Variants in ADCY7 observed in about 807,000 individuals in gnomAD.
ADCY7 encodes the protein adenylate cyclase type 7.
ADCY7 carries 72 observed loss-of-function variants against 120.6 expected under a neutral mutation model. That is an observed-to-expected ratio of 0.60 (90% CI 0.49 to 0.73). The LOEUF (loss-of-function observed/expected upper bound fraction) is 0.73. Among genes scored for constraint, ADCY7 ranks in the 30% least tolerant of loss-of-function variants. ADCY7 has a pLI of 0.00. For synonymous variants in ADCY7, 661 were observed against 628.0 expected (o/e 1.05, Z -0.78); for missense variants, 1,227 against 1,486.0 (o/e 0.83, Z 2.87).
At chr16:50,248,922 C>T (rs1348611000) in intron 1 of ADCY7, among the ~76,000 whole-genome samples, 1 of 152,168 alleles carries the variant, frequency 6.6e-6, no homozygotes, top group Non-Finnish European at 1.5e-5. Context: ...CTTCATGTCA[C>T]CTCTTCCGCT....
At chr16:50,267,225 C>T (rs1446788593) in intron 1 of ADCY7, among the ~76,000 whole-genome samples, 1 of 152,256 alleles carries the variant, frequency 6.6e-6, no homozygotes, top group Non-Finnish European at 1.5e-5. Flanking sequence ...TCCTCTATCC[C>T]CCAGGGACCG....
intron 18 of ADCY7, chr16:50,310,475 C>A: frequency 6.5e-7 from 1 of 1,536,342 alleles, no homozygotes; most frequent in Middle Eastern, 1.7e-4. Flanking sequence ...TGTTTTTTCC[C>A]GTTTAAATGA....
chr16:50,267,132 T>C (rs76920046), intron 1 of ADCY7, among the ~76,000 whole-genome samples: 2,853 of 152,176 alleles, frequency 0.019, 94 homozygotes, highest in African/African-American at 0.065. Context: ...AAACAAAACC[T>C]CTGAAAGGAG....
At chr16:50,248,248 C>A (rs538967572) in intron 1 of ADCY7, among the ~76,000 whole-genome samples, 1 of 152,320 alleles carries the variant, frequency 6.6e-6, no homozygotes, top group South Asian at 2.1e-4. Flanking sequence ...TCTTCCTGTT[C>A]GTACCCCATA....
chr16:50,288,608 G>C (rs2150948192), intron 2 of ADCY7, among the ~76,000 whole-genome samples: 1 of 152,230 alleles, frequency 6.6e-6, no homozygotes, highest in South Asian at 2.1e-4. Context: ...CTTCCGAGTA[G>C]CTAGGATGAC....
chr16:50,250,876 A>G (rs1366028173), intron 1 of ADCY7, among the ~76,000 whole-genome samples: 1 of 152,204 alleles, frequency 6.6e-6, no homozygotes, highest in Admixed American at 6.5e-5. Flanking sequence ...ATTAAAAAGT[A>G]TAGAATTCTT....
At position 50,315,803 on chromosome 16, in the gene ADCY7, T is replaced by C; in HGVS notation, c.*298T>C. The C allele has an allele frequency of 6.2e-6, 2 of 323,650 alleles. No individual in the cohort carries two copies. The highest frequency in any genetic ancestry group is 4.1e-5 in the Admixed American group (1 of 24,282). 20.0% of individuals were successfully genotyped at this position (323,650 alleles called of 1,614,324 possible). ...GGCTGACTTTGAGATCTTTGTTCCC[T>C]GAGGTGCCAGGCAGGCAACTTTAGC... On this transcript the variant is annotated 3_prime_UTR_variant, in exon 26 of 26. Coordinates refer to ENST00000673801, the MANE Select transcript of ADCY7 (RefSeq NM_001114.5).
rs370738331 is a variant in ADCY7, at chr16:50,291,189, C to T, written c.375+529C>T. On this transcript the variant is annotated intron_variant, in intron 3 of 25. Transcript: ENST00000673801. ...GAGGCTGTCACCAAGCGGTAGCACA[C>T]TCTGACCAGTGGGCCTGGGTCCTAT... Among the ~76,000 whole-genome samples the T allele has an allele frequency of 7.2e-5, 11 of 152,280 alleles. No homozygotes were observed. In the East Asian group the frequency reaches 2.1e-3, roughly 29 times the overall value.
chr16:50,252,192 G>C (rs1052136000), intron 1 of ADCY7, among the ~76,000 whole-genome samples: 1 of 152,222 alleles, frequency 6.6e-6, no homozygotes. Context: ...CGAGCCTCTG[G>C]TTCTTCCTAT....
At chr16:50,286,775 G>T (rs529451876) in intron 1 of ADCY7, among the ~76,000 whole-genome samples, 2 of 152,318 alleles carry the variant, frequency 1.3e-5, no homozygotes, top group East Asian at 3.9e-4. Flanking sequence ...TCAGAGAGAG[G>T]ATGGCCGGTT....
chr16:50,300,918 G>T (rs1354967436), intron 9 of ADCY7, 45 bp downstream of exon 9: 3 of 1,540,194 alleles, frequency 1.9e-6, no homozygotes, highest in Non-Finnish European at 2.6e-6. Context: ...CCTGGGGCTG[G>T]CTGTGGATGG....
rs753232784 is a variant in ADCY7 at position 50,312,217 on chromosome 16, G to A, written c.2604+26G>A. ...GTGTGCTGAGAAGGGGCTGGGGCGG[G>A]GGCAGGGAGGCGGACGGTCCAGGCG... On this transcript the variant is annotated intron_variant, in intron 21 of 25. Coordinates refer to ENST00000673801, the MANE Select transcript of ADCY7 (RefSeq NM_001114.5). 6.8e-6 allele frequency: 11 copies of A among 1,612,872 alleles called. No individual in the cohort carries two copies. In the East Asian group the frequency reaches 2.0e-4, roughly 29 times the overall value.
chr16:50,295,338 C>T (rs1297358791), intron 7 of ADCY7, among the ~76,000 whole-genome samples: 9 of 124,508 alleles, frequency 7.2e-5, no homozygotes, highest in Non-Finnish European at 1.8e-5. Flanking sequence ...ACCACCACGC[C>T]TGGCTAATTT....
At chr16:50,298,164 G>A (rs1000592479) in intron 7 of ADCY7, among the ~76,000 whole-genome samples, 3 of 151,960 alleles carry the variant, frequency 2.0e-5, no homozygotes, top group Non-Finnish European at 4.4e-5. Flanking sequence ...AGCCCTGTCA[G>A]CACAGCCACT....
rs1201582683 is a variant in ADCY7, at chr16:50,316,611, A to G, written c.*1106A>G. 1 of 152,356 alleles carries G rather than the reference A, an allele frequency of 6.6e-6. No homozygotes were observed. The highest frequency in any genetic ancestry group is 2.4e-5 in the African/African-American group (1 of 41,440). The allele number at this position is 152,356 out of a possible 1,614,324, so 9.4% of individuals were successfully genotyped here. A position where few individuals can be genotyped will look rare whatever the true frequency, so the allele number is the denominator to read the frequency against. On this transcript the variant is annotated 3_prime_UTR_variant, in exon 26 of 26. Coordinates refer to ENST00000673801, the MANE Select transcript of ADCY7 (RefSeq NM_001114.5). ...GCATGCAGAGGCTCCTGGATCTGGG[A>G]AGCCCGCCCCCTCACAAATGCTGAG...
At chr16:50,265,715 A>T (rs1252551915), upstream of ADCY7, among the ~76,000 whole-genome samples, 2 of 152,142 alleles carry the variant, frequency 1.3e-5, no homozygotes, top group Non-Finnish European at 2.9e-5. Flanking sequence ...GAGGTACACC[A>T]TTGCTTTGAG....
intron 7 of ADCY7, among the ~76,000 whole-genome samples, 178 bp from the exon 8 acceptor site, chr16:50,298,726 C>T (rs767017183): frequency 2.8e-4 from 42 of 152,140 alleles, no homozygotes; most frequent in Non-Finnish European, 5.3e-4. Context: ...CTGGGGAGGC[C>T]CCCATGTCGC....
intron 1 of ADCY7, among the ~76,000 whole-genome samples, chr16:50,269,116 A>G (rs13338390): frequency 0.086 from 13,099 of 152,224 alleles, 1,910 homozygotes; most frequent in African/African-American, 0.3. Flanking sequence ...CCACTCTACA[A>G]TTTATAGCTA....
In ADCY7 at chr16:50,297,706, G is replaced by A. The variant is rs1596935118; in HGVS notation, c.949-1198G>A. ...GTCTGTGATGGCTGATGGGCACAGA[G>A]TAGGGACGAGGACAGGATAGGCTCG... is the stretch of plus-strand genomic sequence containing the variant. On this transcript the variant is annotated intron_variant, in intron 7 of 25. Transcript: ENST00000673801. This position sits in a 1 kb window ranked among gnomAD's most constrained non-coding sequence, Gnocchi z 4.4. Among the ~76,000 whole-genome samples, 3 of 152,224 alleles carry A rather than the reference G, an allele frequency of 2.0e-5. No individual in the cohort carries two copies. In the South Asian group the frequency reaches 6.2e-4, roughly 32 times the overall value.
Sources: gnomAD v4.1 joint callset for allele counts (sites outside exome capture counted in the v4.1 genomes callset) on GRCh38, gnomAD v4.1.1 for gene constraint, Gnocchi (gnomAD v3.1) non-coding constraint, MANE v1.5 for transcripts, NCBI Gene and HGNC (gene_info 2026-07-23, HGNC 2026-07-21) for gene names.